The following GRID1 variants were observed in gnomAD, a reference collection of about 807,000 sequenced individuals.
GRID1 encodes glutamate ionotropic receptor delta type subunit 1.
In GRID1, 28 loss-of-function variants were observed where a neutral mutation model predicts 98.0. The observed-to-expected ratio is 0.29, with a 90% CI of 0.21 to 0.39. The LOEUF (loss-of-function observed/expected upper bound fraction) is 0.39, where lower values mean the gene tolerates loss of function less well. Among genes scored for constraint, GRID1 ranks in the 10% least tolerant of loss-of-function variants. The probability of loss-of-function intolerance (pLI) is 1.00; values close to 1 mark genes in which losing one functional copy is unlikely to be tolerated. For synonymous variants in GRID1, 553 were observed against 538.5 expected (o/e 1.03, Z -0.37); for missense variants, 1,111 against 1,340.5 (o/e 0.83, Z 2.67).
intron 6 of GRID1, among the ~76,000 whole-genome samples, chr10:85,858,649 C>T (rs953278281): frequency 2.0e-5 from 3 of 152,134 alleles, no homozygotes; most frequent in African/African-American, 7.2e-5. Context: ...CTTTCTTTTC[C>T]CAAGAGAATA....
At chr10:85,933,767 T>C (rs1053057633) in intron 4 of GRID1, among the ~76,000 whole-genome samples, 1 of 152,140 alleles carries the variant, frequency 6.6e-6, no homozygotes, top group Non-Finnish European at 1.5e-5. Flanking sequence ...TATATGAACA[T>C]ACATCAAGCA....
intron 13 of GRID1, among the ~76,000 whole-genome samples, chr10:85,628,437 C>A (rs1264067743): frequency 6.6e-6 from 1 of 152,032 alleles, no homozygotes; most frequent in Non-Finnish European, 1.5e-5. Context: ...ATCGTGAGCA[C>A]CATTGCCCCC....
intron 8 of GRID1, among the ~76,000 whole-genome samples, chr10:85,782,903 C>T (rs1173741581): frequency 1.3e-5 from 2 of 152,150 alleles, no homozygotes; most frequent in African/African-American, 2.4e-5. Context: ...CAATAAAAGA[C>T]ACACATTGAC....
At chr10:86,218,896 T>A (rs1384844681) in intron 2 of GRID1, among the ~76,000 whole-genome samples, 2 of 152,232 alleles carry the variant, frequency 1.3e-5, no homozygotes, top group Non-Finnish European at 2.9e-5. Context: ...TCTGGATGCC[T>A]TGGAGCAGCA....
intron 10 of GRID1, 55 bp downstream of exon 10, chr10:85,727,800 T>C (rs1841777700): frequency 7.5e-7 from 1 of 1,336,708 alleles, no homozygotes; most frequent in South Asian, 1.2e-5. Context: ...GTTTAGATAT[T>C]ACCCCAGAGG....
Position 85,916,757 on chromosome 10 carries a change from G to A in GRID1, c.727-518C>T, listed in dbSNP as rs1199211621. On this transcript the variant is annotated intron_variant, in intron 4 of 15. Transcript: ENST00000327946. This position sits in a 1 kb window ranked among gnomAD's most constrained non-coding sequence, Gnocchi z 4.0. ...TAGGATCCATAGAACAAAGCTCTTT[G>A]TAGCTCCTGGGCCGTAGCCCCATCC... Among the ~76,000 whole-genome samples, 1 of 152,196 alleles carries A rather than the reference G, an allele frequency of 6.6e-6. No homozygotes were observed. The highest frequency in any genetic ancestry group is 6.5e-5 in the Admixed American group (1 of 15,282).
chr10:85,818,856 T>C (rs1482800713), intron 8 of GRID1, among the ~76,000 whole-genome samples: 1 of 152,156 alleles, frequency 6.6e-6, no homozygotes, highest in African/African-American at 2.4e-5. Flanking sequence ...TAGCTGGGAC[T>C]ATAGGCACAT....
At chr10:86,167,697 C>T (rs1222758098) in intron 3 of GRID1, among the ~76,000 whole-genome samples, 1 of 152,236 alleles carries the variant, frequency 6.6e-6, no homozygotes, top group Admixed American at 6.5e-5. Flanking sequence ...TCCTGCCCCA[C>T]CACCACTGCA....
chr10:85,985,912 A>T (rs1842603331), intron 4 of GRID1, among the ~76,000 whole-genome samples: 1 of 152,202 alleles, frequency 6.6e-6, no homozygotes, highest in Non-Finnish European at 1.5e-5. Flanking sequence ...ACAAATCCTG[A>T]CAAATTTGGA....
intron 8 of GRID1, among the ~76,000 whole-genome samples, chr10:85,764,306 T>C (rs1446773421): frequency 2.6e-5 from 4 of 152,286 alleles, no homozygotes; most frequent in African/African-American, 9.6e-5. Context: ...GAGTGGAATT[T>C]TAAGTAGGGG....
At chr10:85,922,101 C>G (rs924331640) in intron 4 of GRID1, among the ~76,000 whole-genome samples, 1 of 152,188 alleles carries the variant, frequency 6.6e-6, no homozygotes, top group Admixed American at 6.5e-5. Context: ...GTGTTCTTTC[C>G]TTTGGTCATG....
At chr10:86,301,569 C>T (rs538156918) in intron 2 of GRID1, among the ~76,000 whole-genome samples, 2 of 152,332 alleles carry the variant, frequency 1.3e-5, no homozygotes, top group South Asian at 2.1e-4. Context: ...GCAGATGGAC[C>T]CTTGGCCACA....
At chr10:85,911,928 G>C (rs535941061) in intron 5 of GRID1, among the ~76,000 whole-genome samples, 1 of 152,228 alleles carries the variant, frequency 6.6e-6, no homozygotes, top group Non-Finnish European at 1.5e-5. Flanking sequence ...GACTGGGCTT[G>C]AACTTGGCAA....
At chr10:85,768,945 C>T (rs1423367122) in intron 8 of GRID1, among the ~76,000 whole-genome samples, 1 of 152,172 alleles carries the variant, frequency 6.6e-6, no homozygotes. Context: ...TGGTCAAAGT[C>T]ATTTATTCAA....
chr10:85,654,087 G>A (rs75239318), intron 12 of GRID1, among the ~76,000 whole-genome samples: 5,658 of 152,238 alleles, frequency 0.037, 135 homozygotes, highest in Middle Eastern at 0.048. Context: ...ACAGGGTGAG[G>A]GTTGCAGAGC....
At chr10:85,655,588 T>TCATGAC (rs1249286416) in intron 12 of GRID1, among the ~76,000 whole-genome samples, 1 of 152,196 alleles carries the variant, frequency 6.6e-6, no homozygotes, top group Non-Finnish European at 1.5e-5. Context: ...AACTTTAGAA[T>TCATGAC]CATGACCACT....
chr10:86,321,789 A>T lies in GRID1; in HGVS notation c.235+42152T>A, dbSNP rs542813777. Reference sequence around the variant, plus strand: ...GCAACAACACACAGGAGGTCAGTGGAGCCCATACCCAAAGACTGGGATCTG... The same window carrying T: ...GCAACAACACACAGGAGGTCAGTGGTGCCCATACCCAAAGACTGGGATCTG... On this transcript the variant is annotated intron_variant, in intron 2 of 15. Coordinates refer to ENST00000327946, the MANE Select transcript of GRID1 (RefSeq NM_017551.3). Among the ~76,000 whole-genome samples, 3 of 152,270 alleles carry T rather than the reference A, an allele frequency of 2.0e-5. No individual in the cohort carries two copies. The South Asian group carries it at 6.2e-4, about 32-fold the overall frequency.
intron 4 of GRID1, among the ~76,000 whole-genome samples, chr10:85,922,677 C>T (rs1356876458): frequency 6.6e-6 from 1 of 152,186 alleles, no homozygotes; most frequent in African/African-American, 2.4e-5. Context: ...GCAATGTCAC[C>T]CCTCCAAAGC....
intron 2 of GRID1, among the ~76,000 whole-genome samples, chr10:86,214,535 GC>G (rs1001321142): frequency 1.8e-4 from 27 of 152,040 alleles, no homozygotes; most frequent in African/African-American, 5.1e-4. Context: ...CTGCTTACCC[GC>G]CCCCCTGACC....
Sources: allele counts gnomAD v4.1 joint callset (sites outside exome capture counted in the v4.1 genomes callset), GRCh38; gene constraint gnomAD v4.1.1; non-coding constraint Gnocchi (gnomAD v3.1); transcripts MANE v1.5; gene names NCBI Gene and HGNC (gene_info 2026-07-23, HGNC 2026-07-21).